The following AP1G2 variants were observed in gnomAD, a reference collection of about 807,000 sequenced individuals.
AP1G2 encodes the protein adaptor related protein complex 1 subunit gamma 2, also known as AP-1 complex subunit gamma-like 2.
AP1G2 carries 85 observed loss-of-function variants against 95.8 expected under a neutral mutation model. The observed-to-expected ratio is 0.89, with a 90% CI of 0.74 to 1.06. The LOEUF is 1.06. Ranked by LOEUF, AP1G2 falls within the 50% of genes least tolerant of loss-of-function variation. The pLI, the probability that AP1G2 is intolerant of heterozygous loss-of-function variation, is 0.00. For missense variants in AP1G2, 967 were observed against 1,005.8 expected (o/e 0.96, Z 0.52); for synonymous variants, 378 against 400.0 (o/e 0.94, Z 0.66).
At position 23,563,872 on chromosome 14, in the gene AP1G2, G is replaced by C. The variant is rs1886374676; in HGVS notation, c.1092-16C>G. On this transcript the variant is annotated splice_polypyrimidine_tract_variant and intron_variant, in intron 11 of 21. Transcript: ENST00000397120. Reference sequence around the variant, plus strand: ...CAGGGCTCTCCTGGCAGGAGAAAGAGGTTTCCATGCAGGTAGCCCAGGTCA... The same window carrying C: ...CAGGGCTCTCCTGGCAGGAGAAAGACGTTTCCATGCAGGTAGCCCAGGTCA... 5 of 1,612,104 alleles carry C rather than the reference G, an allele frequency of 3.1e-6. No homozygotes were observed. Among genetic ancestry groups the C allele is most frequent in the Non-Finnish European group, 4.2e-6 (5 of 1,178,732 alleles).
chr14:23,562,665 G>A, intron 14 of AP1G2, 72 bp from the exon 15 acceptor site: 1 of 1,483,472 alleles, frequency 6.7e-7, no homozygotes, highest in Admixed American at 1.9e-5. Context: ...CGCATTGGGA[G>A]GCTGAGGCGG....
intron 14 of AP1G2, 173 bp from the exon 15 acceptor site, chr14:23,562,766 G>C: frequency 1.6e-6 from 1 of 636,458 alleles, no homozygotes; most frequent in South Asian, 2.0e-5. Context: ...AAGAGAGAGA[G>C]AGAAAGAAAG....
chr14:23,566,920 C>T, intron 2 of AP1G2, 191 bp downstream of exon 2: 1 of 891,990 alleles, frequency 1.1e-6, no homozygotes, highest in South Asian at 1.8e-5. Flanking sequence ...GGAGGCTGGC[C>T]AGAGAATGAA....
At chr14:23,562,856 T>G in intron 14 of AP1G2, 2 of 528,672 alleles carry the variant, frequency 3.8e-6, no homozygotes, top group Non-Finnish European at 6.5e-6. Context: ...GCAGAGATGG[T>G]GGGGGGTTGG....
chr14:23,561,955 G>C lies in AP1G2; in HGVS notation c.1733+7C>G. 1 of 1,604,670 alleles carries C rather than the reference G, an allele frequency of 6.2e-7. No individual in the cohort carries two copies. On this transcript the variant is annotated splice_region_variant and intron_variant, in intron 17 of 21. Transcript: ENST00000397120. ...GGTCCCATGCTGCAGCACAGTGCTG[G>C]ACACACCTCATGTGGTCGTATTTCC...
intron 14 of AP1G2, chr14:23,562,856 T>TG (rs1263693933): frequency 1.1e-5 from 6 of 528,562 alleles, no homozygotes; most frequent in African/African-American, 3.9e-5. Context: ...GCAGAGATGG[T>TG]GGGGGGTTGG....
chr14:23,563,509 G>C lies in AP1G2; in HGVS notation c.1288-7C>G. On this transcript the variant is annotated splice_polypyrimidine_tract_variant and splice_region_variant and intron_variant, in intron 13 of 21. Coordinates refer to ENST00000397120, the MANE Select transcript of AP1G2 (RefSeq NM_003917.5). ...CCCGCACATGGGTGCCCGCCTGGAA[G>C]GTGTGGGCATGGCCAAGTCAGTGTG... The C allele has an allele frequency of 6.2e-7, 1 of 1,614,232 alleles. No individual in the cohort carries two copies. The highest frequency in any genetic ancestry group is 8.5e-7 in the Non-Finnish European group (1 of 1,180,026).
rs537217348 is a variant in AP1G2 at position 23,564,061 on chromosome 14, T to A, written c.1076A>T (p.Asp359Val). ...CACTGCTCACCGGCTGAGGGAGGCATCAGTTTCCCGTAGACATTCCACCAC... is the reference window on the plus strand; with the variant it reads ...CACTGCTCACCGGCTGAGGGAGGCAACAGTTTCCCGTAGACATTCCACCAC... ...PTVVECLRET[D>V]ASLSRRALEL... The change falls in exon 11 of 22, where the codon GAT becomes GTT. Residue 359 changes from aspartate (D) to valine (V), a missense_variant. Physicochemically the swap from Asp to Val is radical, Grantham distance 152. Coordinates refer to ENST00000397120, the MANE Select transcript of AP1G2 (RefSeq NM_003917.5). 47 of 1,614,122 alleles carry A rather than the reference T, an allele frequency of 2.9e-5. 2 individuals are homozygous for A. In the South Asian group the frequency reaches 5.1e-4, roughly 17 times the overall value.
rs916990842 is a variant in AP1G2 at position 23,563,785 on chromosome 14, G to T, written c.1163C>A (p.Ala388Asp). The T allele has an allele frequency of 6.2e-7, 1 of 1,614,194 alleles. No individual in the cohort carries two copies. The highest frequency in any genetic ancestry group is 1.7e-5 in the Admixed American group (1 of 60,030). Reference sequence around the variant, plus strand: ...GTCAGGAGGGCAGGACTCCAGAAAGGCCTGCAGCTCTTGCATCATGGCTCG... The same window carrying T: ...GTCAGGAGGGCAGGACTCCAGAAAGTCCTGCAGCTCTTGCATCATGGCTCG... ...NVRAMMQELQ[A>D]FLESCPPDLR... The change falls in exon 12 of 22, where the codon GCC becomes GAC. Residue 388 changes from alanine to aspartate, a missense_variant. By Grantham distance (126) the Ala-to-Asp change is moderately radical. Transcript: ENST00000397120.
Position 23,567,756 on chromosome 14 carries a change from T to C in AP1G2, c.-23A>G. 1 of 1,007,508 alleles carries C rather than the reference T, an allele frequency of 9.9e-7. No homozygotes were observed. Among genetic ancestry groups the C allele is most frequent in the Non-Finnish European group, 1.2e-6 (1 of 843,846 alleles). 62.4% of individuals were successfully genotyped at this position (1,007,508 alleles called of 1,614,324 possible). ...AGCCTCACCTGGCTTCTGCCTCAACTCCGCTCCTCTGCCCCCCAGCGCTTC... is the reference window on the plus strand; with the variant it reads ...AGCCTCACCTGGCTTCTGCCTCAACCCCGCTCCTCTGCCCCCCAGCGCTTC... On this transcript the variant is annotated 5_prime_UTR_variant, in exon 1 of 22. Transcript: ENST00000397120. The surrounding 1 kb of genome is among the most constrained non-coding windows in gnomAD (Gnocchi z 5.3).
chr14:23,561,893 A>C, intron 17 of AP1G2, 69 bp downstream of exon 17: 1 of 1,535,508 alleles, frequency 6.5e-7, no homozygotes, highest in South Asian at 1.2e-5. Flanking sequence ...AGGCCCTTGT[A>C]CCTAGAAAAG....
At position 23,559,842 on chromosome 14, in the gene AP1G2, CA is replaced by C; in HGVS notation, c.2264del (p.Leu755ArgfsTer3). Reference sequence around the variant, plus strand: ...CGTAGGTGAGGCGCAGCTTTAGCCGCAGGGGGGCCTAGGAATAGGAGAGCAG... The same window carrying C: ...CGTAGGTGAGGCGCAGCTTTAGCCGCGGGGGGCCTAGGAATAGGAGAGCAG... ...FRILNPNKAP[L>X]RLKLRLTYDH... On this transcript the variant is annotated frameshift_variant, in exon 22 of 22. Coordinates refer to ENST00000397120, the MANE Select transcript of AP1G2 (RefSeq NM_003917.5). LOFTEE classifies it high-confidence loss of function. The C allele has an allele frequency of 1.9e-6, 3 of 1,614,092 alleles. No individual in the cohort carries two copies. The highest frequency in any genetic ancestry group is 2.5e-6 in the Non-Finnish European group (3 of 1,180,010).
In AP1G2 at chr14:23,566,067, G is replaced by T; in HGVS notation, c.565C>A (p.His189Asn). The change falls in exon 5 of 22, where the codon CAT becomes AAT. Residue 189 changes from histidine (H) to asparagine (N), a missense_variant. Coordinates refer to ENST00000397120, the MANE Select transcript of AP1G2 (RefSeq NM_003917.5). ...ATGGGGGGCCCCACAGCCTTACCAT[G>T]GTGACGCTCATGAAGCAGTTGGGCA... ...PCAQLLHERHHGILLGTITLI... is the reference protein window; with the variant it reads ...PCAQLLHERHNGILLGTITLI... The T allele has an allele frequency of 6.2e-7, 1 of 1,614,166 alleles. No homozygotes were observed. The highest frequency in any genetic ancestry group is 1.1e-5 in the South Asian group (1 of 91,078).
At position 23,567,345 on chromosome 14, in the gene AP1G2, C is replaced by T. The variant is rs1888550471; in HGVS notation, c.-5-26G>A. ...CTGGCAGAGTCCGGGAGTGGAGAAA[C>T]ACTCTCTGGTCGGGCGTGCCTGGGC... On this transcript the variant is annotated intron_variant, in intron 1 of 21. Transcript: ENST00000397120. The surrounding 1 kb of genome is among the most constrained non-coding windows in gnomAD (Gnocchi z 5.3). 6.2e-7 allele frequency: 1 copy of T among 1,604,446 alleles called. No individual in the cohort carries two copies. The highest frequency in any genetic ancestry group is 1.1e-5 in the South Asian group (1 of 90,184).
intron 19 of AP1G2, 105 bp downstream of exon 19, chr14:23,561,191 C>T (rs1373474089): frequency 3.6e-5 from 52 of 1,458,950 alleles, no homozygotes; most frequent in East Asian, 2.3e-5. Flanking sequence ...ATGGGGGACA[C>T]ACAGGAAGAA....
At chr14:23,564,895 C>T in intron 8 of AP1G2, 3 of 632,168 alleles carry the variant, frequency 4.7e-6, no homozygotes, top group African/African-American at 1.8e-5. Context: ...ATCCTTCAAC[C>T]ATCCAACAAA....
At chr14:23,560,649 TG>T (rs1374552722) in intron 19 of AP1G2, 1 of 344,800 alleles carries the variant, frequency 2.9e-6, no homozygotes, top group Non-Finnish European at 5.3e-6. Flanking sequence ...CTGAGGTGGG[TG>T]GATCACCTGA....
intron 14 of AP1G2, chr14:23,563,119 T>C: frequency 7.2e-7 from 1 of 1,381,760 alleles, no homozygotes; most frequent in Non-Finnish European, 9.3e-7. Context: ...AGCTTTAATC[T>C]CAAGGCAGCT....
At position 23,563,744 on chromosome 14, in the gene AP1G2, C is replaced by T; in HGVS notation, c.1204G>A (p.Ala402Thr). ...SCPPDLRADC[A>T]SGILLAAERF... The stretch of plus-strand genomic sequence containing the variant: ...TCTGCAGCCAGCAGGATGCCTGAGG[C>T]ACAGTCAGCCCGTAGGTCAGGAGGG... The change falls in exon 12 of 22, where the codon GCC becomes ACC. Residue 402 changes from alanine to threonine, a missense_variant. Transcript: ENST00000397120. The T allele has an allele frequency of 6.2e-7, 1 of 1,614,224 alleles. No homozygotes were observed. The highest frequency in any genetic ancestry group is 8.5e-7 in the Non-Finnish European group (1 of 1,180,022).
Sources: allele counts gnomAD v4.1 joint callset, GRCh38; gene constraint gnomAD v4.1.1; non-coding constraint Gnocchi (gnomAD v3.1); transcripts MANE v1.5; gene names NCBI Gene and HGNC (gene_info 2026-07-23, HGNC 2026-07-21).